COL10A1: variants seen among roughly 807,000 people sequenced by gnomAD.
The protein encoded by COL10A1 is collagen alpha-1(X) chain.
COL10A1 carries 10 observed loss-of-function variants against 18.2 expected under a neutral mutation model. The ratio of observed to expected loss-of-function variants is 0.55; its 90% confidence interval spans 0.34 to 0.93. The LOEUF (loss-of-function observed/expected upper bound fraction) is 0.93, where lower values mean the gene tolerates loss of function less well. Among genes scored for constraint, COL10A1 ranks in the 40% least tolerant of loss-of-function variants. The pLI, the probability that COL10A1 is intolerant of heterozygous loss-of-function variation, is 0.02. For synonymous variants in COL10A1, 330 were observed against 316.6 expected, an observed-to-expected ratio of 1.04 and a Z score of -0.45; for missense variants, 897 against 853.5, an observed-to-expected ratio of 1.05 and a Z score of -0.64.
the COL10A1 span, among the ~76,000 whole-genome samples, chr6:116,164,112 G>T: frequency 6.6e-6 from 1 of 152,102 alleles, no homozygotes; most frequent in Non-Finnish European, 1.5e-5. Context: ...TATCCATTTG[G>T]CAGAGCCCGT....
chr6:116,173,507 A>G, the COL10A1 span, among the ~76,000 whole-genome samples: 1 of 152,046 alleles, frequency 6.6e-6, no homozygotes, highest in Non-Finnish European at 1.5e-5. Context: ...AGCTTCATTC[A>G]CTTCATGTAG....
At chr6:116,188,058 T>C in the COL10A1 span, among the ~76,000 whole-genome samples, 4 of 151,974 alleles carry the variant, frequency 2.6e-5, no homozygotes, top group East Asian at 1.9e-4. Context: ...AGTTTACAAA[T>C]AGGGAACTCT....
chr6:116,132,678 G>A (rs1224526264), intron 1 of COL10A1, among the ~76,000 whole-genome samples: 1 of 152,026 alleles, frequency 6.6e-6, no homozygotes, highest in Non-Finnish European at 1.5e-5. Flanking sequence ...CAAGCTGTTG[G>A]CGAGAGAGCC....
At chr6:116,200,186 T>C in the COL10A1 span, among the ~76,000 whole-genome samples, 1 of 151,952 alleles carries the variant, frequency 6.6e-6, no homozygotes, top group Non-Finnish European at 1.5e-5. Flanking sequence ...GTCAGACAAA[T>C]CCCAATTGAA....
At chr6:116,176,315 C>T in the COL10A1 span, among the ~76,000 whole-genome samples, 1 of 152,132 alleles carries the variant, frequency 6.6e-6, no homozygotes, top group Non-Finnish European at 1.5e-5. Flanking sequence ...CTTGCTCTTC[C>T]CCTAGCAGAA....
chr6:116,208,588 T>C, the COL10A1 span, among the ~76,000 whole-genome samples: 2 of 152,064 alleles, frequency 1.3e-5, no homozygotes, highest in African/African-American at 4.8e-5. Context: ...TCTTTAGTTC[T>C]TTCTGATCAT....
chr6:116,213,232 T>A, the COL10A1 span, among the ~76,000 whole-genome samples: 1 of 152,098 alleles, frequency 6.6e-6, no homozygotes, highest in East Asian at 1.9e-4. Context: ...ACAGTAGTCT[T>A]CTGAAGGCAT....
chr6:116,147,307 T>A (rs1316917764), intron 1 of COL10A1, among the ~76,000 whole-genome samples: 2 of 151,990 alleles, frequency 1.3e-5, no homozygotes, highest in African/African-American at 4.8e-5. Context: ...CTGGGCGTGG[T>A]GGCATCTACC....
rs1358299038 is a variant in COL10A1, at chr6:116,121,182, G to A, written c.934C>T (p.Pro312Ser). 6.2e-7 allele frequency: 1 copy of A among 1,613,276 alleles called. No homozygotes were observed. The highest frequency in any genetic ancestry group is 1.1e-5 in the South Asian group (1 of 91,072). ...GLPGLKGERG[P>S]AGLPGGPGAK... ...CCTGGACCCCCAGGAAGGCCAGCAG[G>A]TCCTCTTTCTCCCTTCAGGCCTGGC... is the stretch of plus-strand genomic sequence containing the variant. The change falls in exon 3 of 3, where the codon CCT (proline) becomes TCT (serine). Residue 312 changes from proline to serine, a missense_variant. Transcript: ENST00000651968.
the COL10A1 span, among the ~76,000 whole-genome samples, chr6:116,164,325 T>G: frequency 2.6e-3 from 402 of 152,286 alleles, 1 homozygote; most frequent in South Asian, 4.4e-3. Context: ...GTTGAAGTCT[T>G]TATCATGTAT....
At chr6:116,123,811 A>G (rs1053973742) in intron 2 of COL10A1, among the ~76,000 whole-genome samples, 1 of 152,238 alleles carries the variant, frequency 6.6e-6, no homozygotes, top group Non-Finnish European at 1.5e-5. Context: ...TTTGTTCTGC[A>G]AAAGTAGCCA....
the COL10A1 span, among the ~76,000 whole-genome samples, chr6:116,168,812 T>G: frequency 5.3e-5 from 8 of 152,326 alleles, no homozygotes; most frequent in Middle Eastern, 3.4e-3. Context: ...GGAGAACTTA[T>G]GTTTGCTTCT....
chr6:116,200,469 A>G, the COL10A1 span, among the ~76,000 whole-genome samples: 1 of 152,030 alleles, frequency 6.6e-6, no homozygotes, highest in Admixed American at 6.6e-5. Context: ...AAAGATATTG[A>G]TAGGGAAATT....
upstream of COL10A1, among the ~76,000 whole-genome samples, chr6:116,162,459 T>G (rs1484713769): frequency 1.3e-5 from 2 of 152,202 alleles, no homozygotes; most frequent in African/African-American, 4.8e-5. Context: ...CTTTAATGCC[T>G]AGTTTATTTA....
the COL10A1 span, among the ~76,000 whole-genome samples, chr6:116,178,358 CTT>C: frequency 6.6e-6 from 1 of 152,126 alleles, no homozygotes; most frequent in Non-Finnish European, 1.5e-5. Context: ...TTTCTGAACT[CTT>C]TAACTTGAAG....
intron 1 of COL10A1, chr6:116,137,165 C>A: frequency 5.2e-6 from 1 of 192,414 alleles, no homozygotes; most frequent in South Asian, 1.2e-4. Flanking sequence ...ATGTGGCTGC[C>A]ACCCCAAAAC....
At chr6:116,195,132 CATT>C in the COL10A1 span, among the ~76,000 whole-genome samples, 2 of 152,042 alleles carry the variant, frequency 1.3e-5, no homozygotes, top group Non-Finnish European at 2.9e-5. Flanking sequence ...TATATCATCT[CATT>C]GTTAGTTCTC....
At chr6:116,149,760 T>G (rs1238917001) in intron 1 of COL10A1, among the ~76,000 whole-genome samples, 1 of 152,130 alleles carries the variant, frequency 6.6e-6, no homozygotes, top group Non-Finnish European at 1.5e-5. Flanking sequence ...ATAAAATAAG[T>G]GGTGAAAGAG....
Position 116,120,388 on chromosome 6 carries a change from A to G in COL10A1, c.1728T>C (p.Tyr576=), listed in dbSNP as rs147134977. ...TTGGGTCATAATGCTGTTGCCTGTT[A>G]TACAAAATTTTATCAAATGGTATGG... ...GTPIPFDKIL[Y]NRQQHYDPRT... Residue 576 remains tyrosine (Y), a synonymous_variant, in exon 3 of 3, where the codon TAT becomes TAC. Transcript: ENST00000651968. 1.1e-5 allele frequency: 17 copies of G among 1,614,136 alleles called. No homozygotes were observed. The highest frequency in any genetic ancestry group is 3.3e-4 in the Middle Eastern group (2 of 6,084).
Sources: allele counts gnomAD v4.1 joint callset (sites outside exome capture counted in the v4.1 genomes callset), GRCh38; gene constraint gnomAD v4.1.1; transcripts MANE v1.5; gene names NCBI Gene and HGNC (gene_info 2026-07-23, HGNC 2026-07-21).